FCHSD2: variants seen among roughly 807,000 people sequenced by gnomAD.
FCHSD2 encodes the protein FCH and double SH3 domains 2.
FCHSD2 carries 38 observed loss-of-function variants against 108.1 expected under a neutral mutation model. The ratio of observed to expected loss-of-function variants is 0.35; its 90% CI spans 0.27 to 0.46. The LOEUF (loss-of-function observed/expected upper bound fraction) is 0.46. Among genes scored for constraint, FCHSD2 ranks in the 20% least tolerant of loss-of-function variants. The pLI is 1.00. For synonymous variants in FCHSD2, 279 were observed against 314.7 expected, an observed-to-expected ratio of 0.89 and a Z score of 1.20; for missense variants, 751 against 897.8, an observed-to-expected ratio of 0.84 and a Z score of 2.09.
At chr11:72,898,615 T>G (rs1055908920) in intron 10 of FCHSD2, among the ~76,000 whole-genome samples, 1 of 152,202 alleles carries the variant, frequency 6.6e-6, no homozygotes, top group Non-Finnish European at 1.5e-5. Context: ...GCATCCCACT[T>G]TCATCATCAA....
At chr11:72,838,912 C>A in intron 19 of FCHSD2, 38 bp from the exon 20 acceptor site, 1 of 1,542,726 alleles carries the variant, frequency 6.5e-7, no homozygotes, top group African/African-American at 1.4e-5. Flanking sequence ...TCAGTCAGTT[C>A]CTGACTCAGT....
At chr11:73,100,679 A>C (rs765513594) in intron 2 of FCHSD2, among the ~76,000 whole-genome samples, 2 of 152,024 alleles carry the variant, frequency 1.3e-5, no homozygotes, top group African/African-American at 4.8e-5. Flanking sequence ...CATTTTATCT[A>C]ATCTTCCTAT....
chr11:73,133,725 G>A lies in FCHSD2; in HGVS notation c.119+6306C>T, dbSNP rs192149361. On this transcript the variant is annotated intron_variant, in intron 2 of 19. Transcript: ENST00000409418. ...GCAGAATTGCATGAACCCAGGAGGC[G>A]GAGGTTACAACGAGCCGGCATCGCG... Among the ~76,000 whole-genome samples the A allele has an allele frequency of 7.5e-4, 114 of 151,176 alleles. 1 individual carries two copies. Among genetic ancestry groups the A allele is most frequent in the Non-Finnish European group, 1.2e-4 (8 of 67,862 alleles).
chr11:72,919,799 A>G (rs1033448286), intron 9 of FCHSD2, among the ~76,000 whole-genome samples: 1 of 151,590 alleles, frequency 6.6e-6, no homozygotes, highest in African/African-American at 2.4e-5. Context: ...AATACAATTT[A>G]TAATAAAATT....
At chr11:73,049,121 A>G (rs1858832888) in intron 3 of FCHSD2, among the ~76,000 whole-genome samples, 1 of 152,218 alleles carries the variant, frequency 6.6e-6, no homozygotes, top group Admixed American at 6.5e-5. Flanking sequence ...ATAGCAAGAT[A>G]TGTAAAAAGA....
intron 3 of FCHSD2, among the ~76,000 whole-genome samples, chr11:73,082,335 C>CAA (rs750423401): frequency 0.084 from 2,895 of 34,320 alleles, 558 homozygotes; most frequent in East Asian, 0.11. Flanking sequence ...AGACTTGTCC[C>CAA]AAAAAAAAAA....
intron 8 of FCHSD2, among the ~76,000 whole-genome samples, chr11:72,954,802 G>A (rs780134163): frequency 2.0e-5 from 3 of 151,980 alleles, no homozygotes; most frequent in African/African-American, 4.8e-5. Flanking sequence ...ACATAGAAAG[G>A]GGGAAGGCTA....
intron 2 of FCHSD2, among the ~76,000 whole-genome samples, chr11:73,109,008 T>C (rs1362266320): frequency 1.3e-5 from 2 of 152,236 alleles, no homozygotes; most frequent in Admixed American, 6.5e-5. Context: ...CCTCAATGTA[T>C]GTTCTTTGCA....
At chr11:73,125,415 A>G (rs980865128) in intron 2 of FCHSD2, among the ~76,000 whole-genome samples, 6 of 152,166 alleles carry the variant, frequency 3.9e-5, no homozygotes, top group African/African-American at 1.4e-4. Flanking sequence ...TTAAGAATGC[A>G]TGGTGTAGAT....
At position 73,058,030 on chromosome 11, in the gene FCHSD2, C is replaced by T. The variant is rs1455497989; in HGVS notation, c.165+25665G>A. 2.0e-5 allele frequency among the ~76,000 whole-genome samples: 3 copies of T among 152,108 alleles called. No homozygotes were observed. In the East Asian group the frequency reaches 5.8e-4, roughly 29 times the overall value. ...GAGTAGCTGGGACTACAGGCGCCCA[C>T]GACCACGCCTGGCTAATTTTTTGTA... On this transcript the variant is annotated intron_variant, in intron 3 of 19. Coordinates refer to ENST00000409418, the MANE Select transcript of FCHSD2 (RefSeq NM_014824.3).
chr11:72,879,999 C>CAAAAAAAAAAAAAAAAAAA (rs541384964), intron 12 of FCHSD2, among the ~76,000 whole-genome samples: 1 of 63,178 alleles, frequency 1.6e-5, no homozygotes, highest in African/African-American at 6.2e-5. Context: ...AATTCTGTCT[C>CAAAAAAAAAAAAAAAAAAA]AAAAAAAAAA....
chr11:72,963,989 TTACCAAG>T (rs1355892686), intron 8 of FCHSD2, among the ~76,000 whole-genome samples: 1 of 152,200 alleles, frequency 6.6e-6, no homozygotes, highest in African/African-American at 2.4e-5. Flanking sequence ...AGATCTTTAC[TTACCAAG>T]TAACCAGAGG....
At chr11:73,029,103 G>A (rs535520766) in intron 3 of FCHSD2, among the ~76,000 whole-genome samples, 20 of 152,132 alleles carry the variant, frequency 1.3e-4, no homozygotes, top group Non-Finnish European at 1.5e-4. Flanking sequence ...AAATATAATG[G>A]TGTAGTACAC....
chr11:73,094,507 G>GTTT (rs1290015694), intron 2 of FCHSD2, among the ~76,000 whole-genome samples: 1 of 152,102 alleles, frequency 6.6e-6, no homozygotes, highest in Non-Finnish European at 1.5e-5. Context: ...AAACAGTCCA[G>GTTT]TTGTCCATCA....
At chr11:72,965,091 T>C (rs1856884183) in intron 8 of FCHSD2, among the ~76,000 whole-genome samples, 1 of 152,072 alleles carries the variant, frequency 6.6e-6, no homozygotes, top group Non-Finnish European at 1.5e-5. Flanking sequence ...GCCTGGCCAA[T>C]CATTTTACTT....
intron 8 of FCHSD2, among the ~76,000 whole-genome samples, chr11:72,926,774 C>G (rs1238849958): frequency 6.6e-6 from 1 of 152,156 alleles, no homozygotes; most frequent in Non-Finnish European, 1.5e-5. Context: ...AACTGGCACC[C>G]CAGAGATCCC....
intron 13 of FCHSD2, among the ~76,000 whole-genome samples, chr11:72,856,651 G>A (rs1459301663): frequency 6.6e-6 from 1 of 152,178 alleles, no homozygotes; most frequent in Non-Finnish European, 1.5e-5. Flanking sequence ...CTCCACAGCT[G>A]AGTGAGGAAA....
chr11:72,924,027 T>C (rs1167729271), intron 8 of FCHSD2, among the ~76,000 whole-genome samples: 4 of 152,222 alleles, frequency 2.6e-5, no homozygotes, highest in Non-Finnish European at 2.9e-5. Flanking sequence ...TCTTACAATA[T>C]GTATGATTTG....
In FCHSD2 at chr11:73,095,972, A is replaced by C. The variant is rs144322316; in HGVS notation, c.120-12232T>G. ...AACAAAATTGCTGTAAATTTGAAAG[A>C]CACAACCCTGAGCTACCAACATCTA... On this transcript the variant is annotated intron_variant, in intron 2 of 19. Coordinates refer to ENST00000409418, the MANE Select transcript of FCHSD2 (RefSeq NM_014824.3). Among the ~76,000 whole-genome samples, 28 of 152,246 alleles carry C rather than the reference A, an allele frequency of 1.8e-4. No homozygotes were observed. The East Asian group carries it at 5.2e-3, about 28-fold the overall frequency.
Sources: gnomAD v4.1 joint callset for allele counts (sites outside exome capture counted in the v4.1 genomes callset) on GRCh38, gnomAD v4.1.1 for gene constraint, MANE v1.5 for transcripts, NCBI Gene and HGNC (gene_info 2026-07-23, HGNC 2026-07-21) for gene names.